The following ETS1 variants were observed in gnomAD, a reference collection of about 807,000 sequenced individuals.
ETS1 encodes the protein protein C-ets-1.
A neutral mutation model predicts 58.6 loss-of-function variants in ETS1; 15 were observed. The ratio of observed to expected loss-of-function variants is 0.26; its 90% confidence interval spans 0.17 to 0.39. ETS1 has a LOEUF of 0.39. Ranked by LOEUF, ETS1 falls within the 10% of genes least tolerant of loss-of-function variation. ETS1 has a pLI of 1.00. For missense variants in ETS1, 417 were observed against 610.5 expected, an observed-to-expected ratio of 0.68 and a Z score of 3.34; for synonymous variants, 214 against 218.2, an observed-to-expected ratio of 0.98 and a Z score of 0.17.
At chr11:128,580,243 G>C (rs1332845832) in intron 1 of ETS1, among the ~76,000 whole-genome samples, 2 of 150,204 alleles carry the variant, frequency 1.3e-5, no homozygotes, top group African/African-American at 4.9e-5. Flanking sequence ...CCTGAGGTTA[G>C]GCTTCTCAAG....
chr11:128,462,171 C>T lies in ETS1; in HGVS notation c.*190G>A, dbSNP rs1591584381. 3 of 544,346 alleles carry T rather than the reference C, an allele frequency of 5.5e-6. No homozygotes were observed. In the East Asian group the frequency reaches 8.5e-5, roughly 15 times the overall value. The allele number at this position is 544,346 out of a possible 1,614,324, so 33.7% of individuals were successfully genotyped here. On this transcript the variant is annotated 3_prime_UTR_variant, in exon 10 of 10. Coordinates refer to ENST00000392668, the MANE Select transcript of ETS1 (RefSeq NM_001143820.2). The stretch of plus-strand genomic sequence containing the variant: ...AGAATTTCTGGTCCCACCCACCCCA[C>T]AAGTCCTGGCTTTCCTTTCCCAACT...
chr11:128,532,095 T>C (rs895351410), intron 3 of ETS1, among the ~76,000 whole-genome samples: 3 of 152,216 alleles, frequency 2.0e-5, no homozygotes, highest in Non-Finnish European at 4.4e-5. Context: ...GTTTAACTTG[T>C]GCTATAAACC....
intron 2 of ETS1, among the ~76,000 whole-genome samples, chr11:128,564,466 G>C (rs1344253079): frequency 6.6e-6 from 1 of 152,130 alleles, no homozygotes; most frequent in Non-Finnish European, 1.5e-5. Context: ...GCTGTGCTTA[G>C]CTTCCCTAGG....
chr11:128,470,209 A>G (rs1249580956), intron 8 of ETS1, among the ~76,000 whole-genome samples: 1 of 152,250 alleles, frequency 6.6e-6, no homozygotes, highest in Non-Finnish European at 1.5e-5. Flanking sequence ...TGTCTCTTGC[A>G]TGTTAGATCA....
intron 8 of ETS1, among the ~76,000 whole-genome samples, chr11:128,473,636 C>A (rs1435047326): frequency 1.3e-5 from 2 of 152,182 alleles, no homozygotes; most frequent in East Asian, 1.9e-4. Flanking sequence ...GACTTCTCTA[C>A]CTGCAGGCAT....
At chr11:128,477,868 T>C (rs969088013) in intron 8 of ETS1, among the ~76,000 whole-genome samples, 1 of 152,200 alleles carries the variant, frequency 6.6e-6, no homozygotes, top group Non-Finnish European at 1.5e-5. Context: ...ATGTCTAGCA[T>C]TCATTTATTT....
chr11:128,585,086 GA>G (rs1447744420), intron 1 of ETS1, among the ~76,000 whole-genome samples: 4 of 26,824 alleles, frequency 1.5e-4, no homozygotes, highest in African/African-American at 1.1e-3. Flanking sequence ...GAGAAAGAAA[GA>G]AAGGAAAGAA....
chr11:128,474,600 C>T (rs773583718), intron 8 of ETS1, among the ~76,000 whole-genome samples: 39 of 152,106 alleles, frequency 2.6e-4, no homozygotes, highest in African/African-American at 4.8e-4. Context: ...AGTATTTTCC[C>T]GTCAATCACA....
At chr11:128,578,114 C>T (rs962040624) in intron 1 of ETS1, among the ~76,000 whole-genome samples, 2 of 152,122 alleles carry the variant, frequency 1.3e-5, no homozygotes, top group African/African-American at 2.4e-5. Context: ...CTTCATAGAG[C>T]GAGTGACCAC....
At chr11:128,533,931 T>C (rs904415664) in intron 3 of ETS1, among the ~76,000 whole-genome samples, 1 of 152,216 alleles carries the variant, frequency 6.6e-6, no homozygotes, top group African/African-American at 2.4e-5. Context: ...AATGACTAAA[T>C]GAATGAATAA....
chr11:128,541,148 G>C (rs1269676863), intron 3 of ETS1, among the ~76,000 whole-genome samples: 2 of 152,158 alleles, frequency 1.3e-5, no homozygotes, highest in Non-Finnish European at 2.9e-5. Flanking sequence ...CCAGTCCCCT[G>C]GTGCTCACCA....
chr11:128,548,107 AAAGGG>A (rs1385722390), intron 3 of ETS1, among the ~76,000 whole-genome samples: 4 of 74,398 alleles, frequency 5.4e-5, no homozygotes, highest in South Asian at 5.1e-4. Context: ...GAAGGAAAGG[AAAGGG>A]AAGGAAAGGA....
intron 3 of ETS1, among the ~76,000 whole-genome samples, chr11:128,501,047 A>G (rs1381902750): frequency 6.6e-6 from 1 of 152,234 alleles, no homozygotes; most frequent in Non-Finnish European, 1.5e-5. Flanking sequence ...TTGAGAGATC[A>G]GCAGCACAAA....
chr11:128,534,967 G>A (rs909173280), intron 3 of ETS1, among the ~76,000 whole-genome samples: 1 of 152,172 alleles, frequency 6.6e-6, no homozygotes, highest in Non-Finnish European at 1.5e-5. Flanking sequence ...TGGGTCAAAT[G>A]GTATTTCTGG....
intron 3 of ETS1, among the ~76,000 whole-genome samples, chr11:128,520,112 G>A (rs1403174810): frequency 6.6e-6 from 1 of 152,228 alleles, no homozygotes; most frequent in East Asian, 1.9e-4. Flanking sequence ...GACGCTGACT[G>A]TAGCGTTAGG....
chr11:128,583,036 C>T (rs897390900), intron 1 of ETS1, among the ~76,000 whole-genome samples: 1 of 152,080 alleles, frequency 6.6e-6, no homozygotes, highest in African/African-American at 2.4e-5. Flanking sequence ...ATGAATCACC[C>T]GGGGATCCTG....
intron 3 of ETS1, among the ~76,000 whole-genome samples, chr11:128,548,964 C>A (rs1197844873): frequency 1.3e-5 from 2 of 149,392 alleles, no homozygotes; most frequent in Non-Finnish European, 3.0e-5. Flanking sequence ...TGGTGTTTTT[C>A]TTTTTGTGTG....
intron 3 of ETS1, among the ~76,000 whole-genome samples, chr11:128,522,952 C>T (rs1020803162): frequency 1.3e-5 from 2 of 152,212 alleles, no homozygotes; most frequent in Non-Finnish European, 2.9e-5. Context: ...TGTAATGCTC[C>T]TGCGTTGGCA....
At chr11:128,512,629 G>T (rs1375687411) in intron 3 of ETS1, among the ~76,000 whole-genome samples, 5 of 152,232 alleles carry the variant, frequency 3.3e-5, no homozygotes, top group Admixed American at 3.3e-4. Flanking sequence ...GCTAAGCAGC[G>T]TGTGTCCAGT....
Sources: allele counts gnomAD v4.1 joint callset (sites outside exome capture counted in the v4.1 genomes callset), GRCh38; gene constraint gnomAD v4.1.1; transcripts MANE v1.5; gene names NCBI Gene and HGNC (gene_info 2026-07-23, HGNC 2026-07-21).